BRI3BP: variants seen among roughly 807,000 people sequenced by gnomAD.
BRI3BP encodes BRI3-binding protein.
Under a neutral mutation model 15.8 loss-of-function variants are expected in BRI3BP, and 7 were observed. The ratio of observed to expected loss-of-function variants is 0.44; its 90% CI spans 0.25 to 0.83. The LOEUF is 0.83. Ranked by LOEUF, BRI3BP falls within the 40% of genes least tolerant of loss-of-function variation. BRI3BP has a pLI of 0.20. For synonymous variants in BRI3BP, 192 were observed against 163.5 expected, an observed-to-expected ratio of 1.17 and a Z score of -1.33; for missense variants, 320 against 339.3, an observed-to-expected ratio of 0.94 and a Z score of 0.45.
intron 2 of BRI3BP, among the ~76,000 whole-genome samples, chr12:125,024,314 A>G (rs563618240): frequency 4.4e-4 from 43 of 98,500 alleles, no homozygotes; most frequent in Middle Eastern, 5.2e-3. Flanking sequence ...CCATGATCCA[A>G]TCACCCCCCA....
Position 125,027,116 on chromosome 12 carries a change from C to T in BRI3BP, c.*1686C>T, listed in dbSNP as rs1283799626. ...CTGCCAGACCTGCTACAACCAAGACCTTATGGTCCAGGTCTCAGTTTGGAG... is the reference window on the plus strand; with the variant it reads ...CTGCCAGACCTGCTACAACCAAGACTTTATGGTCCAGGTCTCAGTTTGGAG... On this transcript the variant is annotated 3_prime_UTR_variant, in exon 3 of 3. Coordinates refer to ENST00000341446, the MANE Select transcript of BRI3BP (RefSeq NM_080626.6). 1 of 152,168 alleles carries T rather than the reference C, an allele frequency of 6.6e-6. No individual in the cohort carries two copies. The highest frequency in any genetic ancestry group is 1.5e-5 in the Non-Finnish European group (1 of 68,026). 9.4% of individuals were successfully genotyped at this position (152,168 alleles called of 1,614,324 possible). A position where few individuals can be genotyped will look rare whatever the true frequency, so the allele number is the denominator to read the frequency against.
chr12:125,029,364 A>C lies in BRI3BP; in HGVS notation c.*3934A>C, dbSNP rs1219600454. 2.5e-4 allele frequency: 13 copies of C among 52,050 alleles called. No individual in the cohort carries two copies. The highest frequency in any genetic ancestry group is 1.7e-3 in the African/African-American group (13 of 7,598). The allele number at this position is 52,050 out of a possible 1,614,324, so 3.2% of individuals were successfully genotyped here. Reference sequence around the variant, plus strand: ...TCCCGTCTCTACCAAAAAATACAAAAAAAAAAAAAAAAAAAAAAATAGCCA... The same window carrying C: ...TCCCGTCTCTACCAAAAAATACAAACAAAAAAAAAAAAAAAAAAATAGCCA... On this transcript the variant is annotated 3_prime_UTR_variant, in exon 3 of 3. Coordinates refer to ENST00000341446, the MANE Select transcript of BRI3BP (RefSeq NM_080626.6).
chr12:124,997,648 G>T (rs889098538), intron 1 of BRI3BP, among the ~76,000 whole-genome samples: 1 of 152,082 alleles, frequency 6.6e-6, no homozygotes, highest in African/African-American at 2.4e-5. Context: ...CTATATGAAG[G>T]GAATTTGTCT....
intron 2 of BRI3BP, among the ~76,000 whole-genome samples, chr12:125,019,779 A>G (rs562604534): frequency 6.6e-6 from 1 of 151,620 alleles, no homozygotes; most frequent in East Asian, 1.9e-4. Flanking sequence ...CTAAATAGCT[A>G]GATAGGAAAG....
At chr12:124,996,004 C>T (rs1005986246) in intron 1 of BRI3BP, among the ~76,000 whole-genome samples, 6 of 152,164 alleles carry the variant, frequency 3.9e-5, no homozygotes, top group Admixed American at 3.9e-4. Flanking sequence ...ACCTCCACCT[C>T]CCAGGTTCAA....
At chr12:125,045,210 G>A in the BRI3BP span, among the ~76,000 whole-genome samples, 1 of 152,158 alleles carries the variant, frequency 6.6e-6, no homozygotes, top group Non-Finnish European at 1.5e-5. Flanking sequence ...TAGCACATAA[G>A]AGTGTAAAAC....
At chr12:124,997,532 C>T (rs1955052049) in intron 1 of BRI3BP, among the ~76,000 whole-genome samples, 1 of 151,902 alleles carries the variant, frequency 6.6e-6, no homozygotes, top group Non-Finnish European at 1.5e-5. Context: ...CTTTACTTAT[C>T]TGTGTCCCAT....
chr12:125,031,574 A>ATTTTTTTTTTT (rs367625363), downstream of BRI3BP, among the ~76,000 whole-genome samples: 6 of 84,200 alleles, frequency 7.1e-5, no homozygotes, highest in African/African-American at 2.1e-4. Flanking sequence ...TTTTCTTTCT[A>ATTTTTTTTTTT]TTTTTTTTTT....
intron 2 of BRI3BP, among the ~76,000 whole-genome samples, chr12:125,013,122 CTG>C (rs1955211125): frequency 6.6e-6 from 1 of 151,860 alleles, no homozygotes; most frequent in African/African-American, 2.4e-5. Flanking sequence ...CCCATCAAAG[CTG>C]AGATTTCCCA....
At chr12:125,018,388 T>C (rs1463445600) in intron 2 of BRI3BP, among the ~76,000 whole-genome samples, 1 of 152,150 alleles carries the variant, frequency 6.6e-6, no homozygotes, top group East Asian at 1.9e-4. Context: ...TTTGTTAAGA[T>C]GAGGTCATAC....
chr12:124,996,466 A>G lies in BRI3BP; in HGVS notation c.213+2463A>G, dbSNP rs530233473. Among the ~76,000 whole-genome samples, 294 of 151,646 alleles carry G rather than the reference A, an allele frequency of 1.9e-3. 1 individual carries two copies. The highest frequency in any genetic ancestry group is 6.8e-3 in the African/African-American group (282 of 41,340). On this transcript the variant is annotated intron_variant, in intron 1 of 2. Coordinates refer to ENST00000341446, the MANE Select transcript of BRI3BP (RefSeq NM_080626.6). ...TTACAAGTGAGTAGCCGGGATTACA[A>G]GTGAGCACCACCACATCCGGCTAAT...
chr12:124,993,835 C>CCTCCTG lies in BRI3BP; in HGVS notation c.47_48insCCTGCT (p.Leu24_Leu25dup). 1 of 1,148,688 alleles carries CCTCCTG rather than the reference C, an allele frequency of 8.7e-7. No homozygotes were observed. The highest frequency in any genetic ancestry group is 1.1e-6 in the Non-Finnish European group (1 of 933,972). The allele number at this position is 1,148,688 out of a possible 1,614,324, so 71.2% of individuals were successfully genotyped here. On this transcript the variant is annotated inframe_insertion, in exon 1 of 3. Coordinates refer to ENST00000341446, the MANE Select transcript of BRI3BP (RefSeq NM_080626.6). ...GCGGGCCCCTGGCCCGGGCCGGGCT[C>CCTCCTG]CTGCTGCTGCTGCTGCTGCTGCTGC...
intron 1 of BRI3BP, among the ~76,000 whole-genome samples, chr12:124,999,582 C>A (rs1414714106): frequency 6.6e-6 from 1 of 150,560 alleles, no homozygotes; most frequent in Non-Finnish European, 1.5e-5. Context: ...CACCGCCATG[C>A]CCTGCTAAGT....
At chr12:125,036,411 A>T in the BRI3BP span, among the ~76,000 whole-genome samples, 133 of 151,604 alleles carry the variant, frequency 8.8e-4, 1 homozygote, top group African/African-American at 3.1e-3. Flanking sequence ...TTTTTAGTAG[A>T]GACAGGGTTT....
chr12:125,035,562 G>GC (rs1955436132), downstream of BRI3BP, among the ~76,000 whole-genome samples: 1 of 151,634 alleles, frequency 6.6e-6, no homozygotes, highest in South Asian at 2.1e-4. Flanking sequence ...CCAGGCTAAT[G>GC]CTTTTTTTTT....
chr12:125,025,068 G>GTCCTGCTGGTCGGCGTCT lies in BRI3BP; in HGVS notation c.398_399insGCTGGTCGGCGTCTTCCT (p.Leu134_Ala135insValGlyValPheLeuLeu). The GTCCTGCTGGTCGGCGTCT allele has an allele frequency of 6.2e-7, 1 of 1,613,508 alleles. No homozygotes were observed. The highest frequency in any genetic ancestry group is 8.5e-7 in the Non-Finnish European group (1 of 1,180,028). The stretch of plus-strand genomic sequence containing the variant: ...CCGCGCGCTCCTGCTGGTCGGCGTC[G>GTCCTGCTGGTCGGCGTCT]TCCTCCTGGCCTACTGGTTCTTGTC... On this transcript the variant is annotated inframe_insertion, in exon 3 of 3. Coordinates refer to ENST00000341446, the MANE Select transcript of BRI3BP (RefSeq NM_080626.6).
At chr12:125,016,769 G>A (rs1430777318) in intron 2 of BRI3BP, among the ~76,000 whole-genome samples, 7 of 145,434 alleles carry the variant, frequency 4.8e-5, no homozygotes, top group South Asian at 2.2e-4. Flanking sequence ...CTCGTGATCC[G>A]CCCGCCTCAG....
chr12:125,036,585 A>T, the BRI3BP span, among the ~76,000 whole-genome samples: 1 of 35,392 alleles, frequency 2.8e-5, no homozygotes, highest in East Asian at 2.0e-3. Context: ...ATGTTAACAC[A>T]GGGCACTATT....
At chr12:124,994,057 G>A in intron 1 of BRI3BP, 54 bp downstream of exon 1, 2 of 1,151,112 alleles carry the variant, frequency 1.7e-6, no homozygotes, top group Non-Finnish European at 2.2e-6. Flanking sequence ...CACGCACCTG[G>A]CTACCGGGGC....
Sources: allele counts gnomAD v4.1 joint callset (sites outside exome capture counted in the v4.1 genomes callset), GRCh38; gene constraint gnomAD v4.1.1; transcripts MANE v1.5; gene names NCBI Gene and HGNC (gene_info 2026-07-23, HGNC 2026-07-21).